Variants in PTPRD observed in about 807,000 individuals in gnomAD.
PTPRD encodes receptor-type tyrosine-protein phosphatase delta.
PTPRD carries 34 observed loss-of-function variants against 214.5 expected under a neutral mutation model. That is an observed-to-expected ratio of 0.16 (90% CI 0.12 to 0.21). The LOEUF (loss-of-function observed/expected upper bound fraction) is 0.21. PTPRD is among the 10% of genes least tolerant of loss of function. The pLI, the probability that PTPRD is intolerant of heterozygous loss-of-function variation, is 1.00. For missense variants in PTPRD, 2,545 were observed against 2,398.7 expected (o/e 1.06, Z -1.27); for synonymous variants, 1,128 against 845.7 (o/e 1.33, Z -5.79).
intron 3 of PTPRD, among the ~76,000 whole-genome samples, chr9:10,044,469 G>A (rs1001175379): frequency 6.6e-6 from 1 of 151,692 alleles, no homozygotes; most frequent in Admixed American, 6.6e-5. Flanking sequence ...CATAAAAAGA[G>A]AACAAACAGA....
chr9:8,722,287 C>T (rs2098508955), intron 12 of PTPRD, among the ~76,000 whole-genome samples: 1 of 152,018 alleles, frequency 6.6e-6, no homozygotes, highest in Non-Finnish European at 1.5e-5. Flanking sequence ...AATTCTCCTA[C>T]CTATTCTCAA....
At chr9:10,054,682 AT>A (rs1292856587) in intron 3 of PTPRD, among the ~76,000 whole-genome samples, 4 of 152,150 alleles carry the variant, frequency 2.6e-5, no homozygotes, top group Non-Finnish European at 4.4e-5. Context: ...ATATGCAGGA[AT>A]TAGCAAACAC....
intron 10 of PTPRD, among the ~76,000 whole-genome samples, chr9:9,088,612 A>AAAAAAATAATTAT: frequency 6.7e-6 from 1 of 149,688 alleles, no homozygotes; most frequent in East Asian, 2.0e-4. Flanking sequence ...AAAAAAAAGA[A>AAAAAAATAATTAT]GTCTGGCTTG....
chr9:10,453,442 C>T (rs909459465), intron 2 of PTPRD, among the ~76,000 whole-genome samples: 3 of 151,590 alleles, frequency 2.0e-5, no homozygotes, highest in Non-Finnish European at 4.4e-5. Context: ...AATTCACAAC[C>T]ATGGGATTTC....
chr9:10,598,041 C>A (rs2077014123), intron 2 of PTPRD, among the ~76,000 whole-genome samples: 1 of 151,750 alleles, frequency 6.6e-6, no homozygotes, highest in African/African-American at 2.4e-5. Context: ...ACCAGCAGGA[C>A]TCACTGGAAA....
chr9:9,021,102 T>G (rs137907442), intron 10 of PTPRD, among the ~76,000 whole-genome samples: 223 of 152,284 alleles, frequency 1.5e-3, no homozygotes, highest in African/African-American at 4.7e-3. Flanking sequence ...TCTAATTATT[T>G]AAGAGGTATT....
chr9:9,530,508 C>G (rs910634318), intron 8 of PTPRD, among the ~76,000 whole-genome samples: 2 of 152,048 alleles, frequency 1.3e-5, no homozygotes, highest in Admixed American at 6.6e-5. Context: ...AGTCTCCAAA[C>G]AAAGAAAAGC....
At chr9:9,211,353 G>C (rs902249717) in intron 9 of PTPRD, among the ~76,000 whole-genome samples, 1 of 152,112 alleles carries the variant, frequency 6.6e-6, no homozygotes, top group Non-Finnish European at 1.5e-5. Flanking sequence ...AATAGGTCTT[G>C]TGTCCTAAGT....
intron 2 of PTPRD, among the ~76,000 whole-genome samples, chr9:10,608,846 T>C (rs965625918): frequency 1.3e-5 from 2 of 152,136 alleles, no homozygotes; most frequent in South Asian, 2.1e-4. Flanking sequence ...GTACAGTTAA[T>C]GTCTACATTG....
rs1378359453 is a variant in PTPRD, at chr9:10,401,991, C to T, written c.-599-60974G>A. On this transcript the variant is annotated intron_variant, in intron 2 of 45. Transcript: ENST00000381196. ...CCAGAGATACAGCACTGGAATAAAA[C>T]ACCCTATAAGAAATCCAATTCTAAA... Among the ~76,000 whole-genome samples the T allele has an allele frequency of 2.6e-5, 4 of 151,210 alleles. 1 individual carries two copies. Among genetic ancestry groups the T allele is most frequent in the Non-Finnish European group, 4.4e-5 (3 of 67,592 alleles).
At chr9:10,013,040 A>T (rs2096632567) in intron 4 of PTPRD, among the ~76,000 whole-genome samples, 1 of 152,002 alleles carries the variant, frequency 6.6e-6, no homozygotes, top group Non-Finnish European at 1.5e-5. Flanking sequence ...GAATAGAATA[A>T]GCACAGGAAA....
chr9:10,519,599 A>T (rs1337096048), intron 2 of PTPRD, among the ~76,000 whole-genome samples: 1 of 152,038 alleles, frequency 6.6e-6, no homozygotes, highest in Non-Finnish European at 1.5e-5. Flanking sequence ...CAGCTATTGC[A>T]TTTTTTTATA....
At chr9:9,937,337 A>G (rs1270920755) in intron 5 of PTPRD, among the ~76,000 whole-genome samples, 1 of 149,376 alleles carries the variant, frequency 6.7e-6, no homozygotes, top group Admixed American at 6.8e-5. Flanking sequence ...TTTTAATCCA[A>G]TTTCTAAAAT....
chr9:8,938,475 T>C (rs981440642), intron 11 of PTPRD, among the ~76,000 whole-genome samples: 6 of 152,310 alleles, frequency 3.9e-5, no homozygotes, highest in African/African-American at 1.4e-4. Flanking sequence ...TGCTGGCTCC[T>C]GAGCATCTTT....
chr9:9,906,621 G>C (rs1438228839), intron 5 of PTPRD, among the ~76,000 whole-genome samples: 2 of 151,796 alleles, frequency 1.3e-5, no homozygotes, highest in Non-Finnish European at 2.9e-5. Context: ...ATTCCAAAGA[G>C]AATTCATTTA....
chr9:8,436,538 A>G (rs2132522764), intron 35 of PTPRD, 54 bp downstream of exon 35: 1 of 1,394,676 alleles, frequency 7.2e-7, no homozygotes, highest in Non-Finnish European at 1.0e-6. Flanking sequence ...TATGGTCAAA[A>G]AAAGAGAAGA....
intron 2 of PTPRD, among the ~76,000 whole-genome samples, chr9:10,472,005 G>C (rs932932052): frequency 6.6e-6 from 1 of 151,982 alleles, no homozygotes; most frequent in Non-Finnish European, 1.5e-5. Flanking sequence ...ACACATGTGA[G>C]TTTAAATTCA....
chr9:10,496,908 T>C (rs369657442), intron 2 of PTPRD, among the ~76,000 whole-genome samples: 2 of 151,964 alleles, frequency 1.3e-5, no homozygotes, highest in African/African-American at 2.4e-5. Context: ...CTGTAGACTG[T>C]CTGTTTACTT....
In PTPRD at chr9:9,234,023, T is replaced by C. The variant is rs190418720; in HGVS notation, c.-202-50660A>G. 2.5e-3 allele frequency among the ~76,000 whole-genome samples: 388 copies of C among 152,262 alleles called. 4 individuals are homozygous for C. Among genetic ancestry groups the C allele is most frequent in the African/African-American group, 8.6e-3 (358 of 41,562 alleles). On this transcript the variant is annotated intron_variant, in intron 9 of 45. Transcript: ENST00000381196. ...CACTAGGTAGTGCCCCGGTGGGGAC[T>C]CTGTGTGGGGGCTCCAACCCCACAT...
Sources: gnomAD v4.1 joint callset for allele counts (sites outside exome capture counted in the v4.1 genomes callset) on GRCh38, gnomAD v4.1.1 for gene constraint, MANE v1.5 for transcripts, NCBI Gene and HGNC (gene_info 2026-07-23, HGNC 2026-07-21) for gene names.